Variants in COG3 observed in about 807,000 individuals in gnomAD.
The protein encoded by COG3 is conserved oligomeric Golgi complex subunit 3.
In COG3, 32 loss-of-function variants were observed where a neutral mutation model predicts 114.1. The observed-to-expected ratio is 0.28, with a 90% CI of 0.21 to 0.38. The LOEUF (loss-of-function observed/expected upper bound fraction) is 0.38, where lower values mean the gene tolerates loss of function less well. Ranked by LOEUF, COG3 falls within the 10% of genes least tolerant of loss-of-function variation. The pLI, the probability that COG3 is intolerant of heterozygous loss-of-function variation, is 1.00. For synonymous variants in COG3, 352 were observed against 365.7 expected (o/e 0.96, Z 0.43); for missense variants, 813 against 973.2 (o/e 0.84, Z 2.19).
intron 1 of COG3, among the ~76,000 whole-genome samples, chr13:45,468,480 G>C (rs1475883126): frequency 6.6e-6 from 1 of 152,130 alleles, no homozygotes; most frequent in Non-Finnish European, 1.5e-5. Flanking sequence ...CCTTGAGGAA[G>C]GTTCTGAGAC....
Position 45,496,140 on chromosome 13 carries a change from CTTT to C in COG3, c.1328-8_1328-6del, listed in dbSNP as rs779714397. ...AAATCTAAAAGAATGGATGATTGCA[CTTT>C]TTTATCAGCTGAGCAACTGGGGGCA... On this transcript the variant is annotated splice_polypyrimidine_tract_variant and intron_variant, in intron 12 of 22. Transcript: ENST00000349995. 5 of 1,601,038 alleles carry C rather than the reference CTTT, an allele frequency of 3.1e-6. No homozygotes were observed. The highest frequency in any genetic ancestry group is 4.3e-6 in the Non-Finnish European group (5 of 1,172,856).
intron 2 of COG3, among the ~76,000 whole-genome samples, chr13:45,478,163 G>GT (rs1886005188): frequency 6.8e-6 from 1 of 146,750 alleles, no homozygotes; most frequent in East Asian, 2.0e-4. Context: ...TTTTTTGTTT[G>GT]TTTTTTTCAA....
intron 21 of COG3, among the ~76,000 whole-genome samples, chr13:45,530,162 A>C (rs1026503485): frequency 6.6e-6 from 1 of 152,190 alleles, no homozygotes; most frequent in Non-Finnish European, 1.5e-5. Context: ...TTAGTAAATA[A>C]ACCAAAAAAA....
At chr13:45,532,520 A>G (rs1245079338) in intron 22 of COG3, among the ~76,000 whole-genome samples, 1 of 133,376 alleles carries the variant, frequency 7.5e-6, no homozygotes, top group Non-Finnish European at 1.6e-5. Flanking sequence ...CCTCCCCTAT[A>G]GTTAACTCTT....
At chr13:45,468,402 G>A (rs1306352171) in intron 1 of COG3, among the ~76,000 whole-genome samples, 1 of 152,122 alleles carries the variant, frequency 6.6e-6, no homozygotes, top group Non-Finnish European at 1.5e-5. Flanking sequence ...GAATAGATTA[G>A]AATCCTGTGA....
intron 16 of COG3, among the ~76,000 whole-genome samples, chr13:45,514,764 C>T (rs1292254475): frequency 6.6e-6 from 1 of 152,068 alleles, no homozygotes; most frequent in Non-Finnish European, 1.5e-5. Flanking sequence ...TCTCCTGCCT[C>T]AGCCTCCCTA....
intron 12 of COG3, among the ~76,000 whole-genome samples, chr13:45,495,163 T>C (rs1293430530): frequency 6.8e-6 from 1 of 146,966 alleles, no homozygotes; most frequent in East Asian, 2.0e-4. Flanking sequence ...TTTTTTTTTT[T>C]TTTAAATAGA....
chr13:45,510,634 C>T (rs1057172497), intron 15 of COG3, among the ~76,000 whole-genome samples: 1 of 152,222 alleles, frequency 6.6e-6, no homozygotes, highest in Non-Finnish European at 1.5e-5. Flanking sequence ...GGGTGCTTAA[C>T]AGGGATTTTA....
At chr13:45,528,966 A>G (rs1217843026) in intron 20 of COG3, among the ~76,000 whole-genome samples, 1 of 152,194 alleles carries the variant, frequency 6.6e-6, no homozygotes, top group African/African-American at 2.4e-5. Context: ...ATAGCGCCTA[A>G]TATTTTTCCA....
At chr13:45,484,912 TG>T (rs1191513677) in intron 7 of COG3, among the ~76,000 whole-genome samples, 1 of 146,044 alleles carries the variant, frequency 6.8e-6, no homozygotes, top group Non-Finnish European at 1.5e-5. Flanking sequence ...AGCACAGGGT[TG>T]GGGGTAAGGT....
intron 7 of COG3, among the ~76,000 whole-genome samples, chr13:45,483,636 C>T (rs965951151): frequency 1.3e-5 from 2 of 152,050 alleles, no homozygotes; most frequent in Non-Finnish European, 2.9e-5. Context: ...TTAAAACATT[C>T]CTTTTCTATC....
chr13:45,482,608 T>G (rs1886319190), intron 6 of COG3, 135 bp downstream of exon 6: 1 of 487,098 alleles, frequency 2.1e-6, no homozygotes, highest in East Asian at 3.4e-5. Context: ...GTAAAGTGAT[T>G]ATTTCTGTCC....
At chr13:45,532,138 A>G (rs1873209975) in intron 22 of COG3, 1 of 151,954 alleles carries the variant, frequency 6.6e-6, no homozygotes, top group Non-Finnish European at 1.5e-5. Context: ...TGCTTGTTTC[A>G]TTCACCTAGC....
intron 16 of COG3, among the ~76,000 whole-genome samples, chr13:45,514,157 CT>C (rs57033822): frequency 7.5e-5 from 7 of 93,854 alleles, no homozygotes; most frequent in South Asian, 4.0e-4. Flanking sequence ...TGTCCTCTCT[CT>C]TTTTTTTTTT....
In COG3 at chr13:45,535,539, T is replaced by G; in HGVS notation, c.*808T>G. ...GGCGCATAGAGGAGAGAAGGAAACC[T>G]GAGGAGTAGTGTTCCTCCTGAATGA... On this transcript the variant is annotated 3_prime_UTR_variant, in exon 23 of 23. Transcript: ENST00000349995. 1 of 985,626 alleles carries G rather than the reference T, an allele frequency of 1.0e-6. No homozygotes were observed. The highest frequency in any genetic ancestry group is 4.7e-5 in the South Asian group (1 of 21,292). 61.1% of individuals were successfully genotyped at this position (985,626 alleles called of 1,614,324 possible). A position where few individuals can be genotyped will look rare whatever the true frequency, so the allele number is the denominator to read the frequency against.
At chr13:45,512,632 C>CT (rs1438172159) in intron 16 of COG3, among the ~76,000 whole-genome samples, 55 of 144,686 alleles carry the variant, frequency 3.8e-4, no homozygotes, top group African/African-American at 7.1e-4. Context: ...TGTGCCTGGC[C>CT]TTTTTTTTTT....
intron 1 of COG3, among the ~76,000 whole-genome samples, chr13:45,468,973 C>T (rs1324047524): frequency 6.6e-6 from 1 of 152,206 alleles, no homozygotes; most frequent in Non-Finnish European, 1.5e-5. Context: ...GCTGCCTAGT[C>T]TACTTAATGG....
At chr13:45,525,483 A>G (rs996854364) in intron 20 of COG3, among the ~76,000 whole-genome samples, 1 of 152,012 alleles carries the variant, frequency 6.6e-6, no homozygotes, top group African/African-American at 2.4e-5. Context: ...CTCTGTTGAC[A>G]TTTTAGAGTA....
rs1349161318 is a variant in COG3 at position 45,486,267 on chromosome 13, G to T, written c.844-228G>T. On this transcript the variant is annotated intron_variant, in intron 7 of 22. Transcript: ENST00000349995. ...ATGGCAGCAGTACAGTCCAGCTTCG[G>T]CTCGGCATGAGAGGGAGACCATCGG... Among the ~76,000 whole-genome samples the T allele has an allele frequency of 2.8e-5, 4 of 143,914 alleles. No homozygotes were observed. In the East Asian group the frequency reaches 7.8e-4, roughly 28 times the overall value. The allele number at this position is 143,914 out of a possible 152,430, so 94.4% of individuals were successfully genotyped here.
Sources: gnomAD v4.1 joint callset for allele counts (sites outside exome capture counted in the v4.1 genomes callset) on GRCh38, gnomAD v4.1.1 for gene constraint, MANE v1.5 for transcripts, NCBI Gene and HGNC (gene_info 2026-07-23, HGNC 2026-07-21) for gene names.